UNC13B: variants seen among roughly 807,000 people sequenced by gnomAD.
The protein encoded by UNC13B is protein unc-13 homolog B.
UNC13B carries 144 observed loss-of-function variants against 211.0 expected under a neutral mutation model. That is an observed-to-expected ratio of 0.68 (90% confidence interval 0.60 to 0.78). The LOEUF (loss-of-function observed/expected upper bound fraction) is 0.78. Among genes scored for constraint, UNC13B ranks in the 30% least tolerant of loss-of-function variants. UNC13B has a pLI of 0.00. For missense variants in UNC13B, 1,777 were observed against 2,002.0 expected (o/e 0.89, Z 2.14); for synonymous variants, 709 against 725.8 (o/e 0.98, Z 0.37).
chr9:35,242,825 A>G (rs1471196785), intron 5 of UNC13B, among the ~76,000 whole-genome samples: 1 of 152,220 alleles, frequency 6.6e-6, no homozygotes, highest in African/African-American at 2.4e-5. Context: ...ACTATGTCAC[A>G]TGGTAATTCT....
At chr9:35,215,204 G>A (rs1824188991) in intron 1 of UNC13B, among the ~76,000 whole-genome samples, 1 of 152,140 alleles carries the variant, frequency 6.6e-6, no homozygotes, top group African/African-American at 2.4e-5. Context: ...TCAAGAGTTT[G>A]AGACCAGCCT....
At chr9:35,165,697 G>A (rs1428205458) in intron 1 of UNC13B, among the ~76,000 whole-genome samples, 5 of 152,058 alleles carry the variant, frequency 3.3e-5, no homozygotes, top group Admixed American at 1.3e-4. Flanking sequence ...GATTACAGGC[G>A]TGAGCCACTG....
intron 6 of UNC13B, among the ~76,000 whole-genome samples, chr9:35,257,963 C>G (rs1827031378): frequency 6.6e-6 from 1 of 152,134 alleles, no homozygotes; most frequent in Admixed American, 6.6e-5. Context: ...TCATAATTCT[C>G]TCATGCTTAA....
chr9:35,288,695 G>A (rs12352096), intron 7 of UNC13B, among the ~76,000 whole-genome samples: 3,931 of 152,240 alleles, frequency 0.026, 174 homozygotes, highest in African/African-American at 0.088. Flanking sequence ...TTTTTCATGC[G>A]TTAGAGATGG....
chr9:35,303,068 TTGG>T lies in UNC13B; in HGVS notation c.3665_3667del (p.Leu1222_Asp1223delinsTyr). 1 of 398,776 alleles carries T rather than the reference TTGG, an allele frequency of 2.5e-6. No homozygotes were observed. 24.7% of individuals were successfully genotyped at this position (398,776 alleles called of 1,614,324 possible). On this transcript the variant is annotated inframe_deletion, in exon 9 of 40. Coordinates refer to ENST00000635942, the MANE Select transcript of UNC13B (RefSeq NM_001371189.2). ...TTTGAATGGAGATAACCATTTATCC[TTGG>T]ATGAGGTCCCTGCTACTTCATGTGT...
rs147306554 is a variant in UNC13B at position 35,237,558 on chromosome 9, G to A, written c.271-145G>A. The stretch of plus-strand genomic sequence containing the variant: ...CAGAAGCCACATGCAGTGGAGGCAG[G>A]TGGTGATAGTGGTGTGTTTGCCTTA... On this transcript the variant is annotated intron_variant, in intron 4 of 39. Transcript: ENST00000635942. 371 of 934,232 alleles carry A rather than the reference G, an allele frequency of 4.0e-4. No homozygotes were observed. The African/African-American group carries it at 5.7e-3, about 14-fold the overall frequency. 57.9% of individuals were successfully genotyped at this position (934,232 alleles called of 1,614,324 possible).
At chr9:35,286,709 A>G (rs540383482) in intron 7 of UNC13B, among the ~76,000 whole-genome samples, 5 of 152,218 alleles carry the variant, frequency 3.3e-5, no homozygotes, top group Admixed American at 6.5e-5. Context: ...TAATACCACT[A>G]ATACTACTTA....
intron 1 of UNC13B, among the ~76,000 whole-genome samples, chr9:35,191,687 C>T (rs146758612): frequency 4.2e-4 from 64 of 152,310 alleles, no homozygotes; most frequent in African/African-American, 1.4e-3. Flanking sequence ...GGCCCTTCCC[C>T]GGGAACTAAC....
chr9:35,354,759 G>T (rs978729262), intron 11 of UNC13B, among the ~76,000 whole-genome samples: 3 of 152,206 alleles, frequency 2.0e-5, no homozygotes, highest in African/African-American at 4.8e-5. Flanking sequence ...GTTGGCAAAG[G>T]TGTGAGGGAA....
intron 7 of UNC13B, among the ~76,000 whole-genome samples, chr9:35,287,710 G>C (rs1404540597): frequency 6.6e-6 from 1 of 151,782 alleles, no homozygotes; most frequent in African/African-American, 2.4e-5. Flanking sequence ...CTTTTACATT[G>C]TGCCATGCAT....
rs768995698 is a variant in UNC13B, at chr9:35,306,188, G to C, written c.6784G>C (p.Glu2262Gln). ...FVESGSTMTR[E>Q]SSSGHRDSIA... is the part of the protein sequence containing the mutation. ...AGAGAGTGGTAGCACAATGACCAGA[G>C]AAAGTTCCAGTGGTCATAGAGATAG... The change falls in exon 9 of 40, where the codon GAA (glutamate) becomes CAA (glutamine). Residue 2262 changes from glutamate to glutamine, a missense_variant. Physicochemically the swap from Glu to Gln is conservative, Grantham distance 29. Transcript: ENST00000635942. 2 of 399,050 alleles carry C rather than the reference G, an allele frequency of 5.0e-6. No individual in the cohort carries two copies. The highest frequency in any genetic ancestry group is 8.8e-5 in the Admixed American group (2 of 22,732). The allele number at this position is 399,050 out of a possible 1,614,324, so 24.7% of individuals were successfully genotyped here. A position where few individuals can be genotyped will look rare whatever the true frequency, so the allele number is the denominator to read the frequency against.
intron 1 of UNC13B, among the ~76,000 whole-genome samples, chr9:35,221,933 GC>G (rs1405275723): frequency 6.6e-6 from 1 of 152,138 alleles, no homozygotes; most frequent in African/African-American, 2.4e-5. Flanking sequence ...CAATTGAATT[GC>G]CTTGGCAATT....
rs1836518393 is a variant in UNC13B, at chr9:35,403,967, T to C, written c.12957T>C (p.Asn4319=). 2 of 1,613,950 alleles carry C rather than the reference T, an allele frequency of 1.2e-6. No homozygotes were observed. Among genetic ancestry groups the C allele is most frequent in the Non-Finnish European group, 1.7e-6 (2 of 1,179,978 alleles). ...TILRILSQRS[N]DEVAREFVKL... is the part of the protein sequence containing the mutation. ...TCCGGATTTTATCTCAGAGGAGCAA[T>C]GACGAGGTGGCCCGAGAATTTGTGA... is the stretch of plus-strand genomic sequence containing the variant. Residue 4319 remains asparagine (N), a synonymous_variant, in exon 40 of 40, where the codon AAT becomes AAC. Coordinates refer to ENST00000635942, the MANE Select transcript of UNC13B (RefSeq NM_001371189.2).
chr9:35,208,257 C>T (rs1037477221), intron 1 of UNC13B, among the ~76,000 whole-genome samples: 3 of 152,136 alleles, frequency 2.0e-5, no homozygotes, highest in African/African-American at 7.2e-5. Flanking sequence ...GATTTGCTTT[C>T]CCTTTTAATA....
At position 35,381,684 on chromosome 9, in the gene UNC13B, G is replaced by A. The variant is rs1046771052; in HGVS notation, c.10620G>A (p.Met3540Ile). 1.9e-6 allele frequency: 3 copies of A among 1,614,196 alleles called. No individual in the cohort carries two copies. Among genetic ancestry groups the A allele is most frequent in the South Asian group, 2.2e-5 (2 of 91,082 alleles). ...TAQEIVDEFA[M>I]RYGIESIYQA... ...AAGAAATTGTGGATGAATTTGCCAT[G>A]CGTTATGGCATTGAGTCCATATATC... The change falls in exon 20 of 40, where the codon ATG becomes ATA. Residue 3540 changes from methionine (M) to isoleucine (I), a missense_variant. Met to Ile is a conservative substitution (Grantham distance 10). Coordinates refer to ENST00000635942, the MANE Select transcript of UNC13B (RefSeq NM_001371189.2).
At chr9:35,287,260 G>A (rs1467581739) in intron 7 of UNC13B, among the ~76,000 whole-genome samples, 1 of 151,954 alleles carries the variant, frequency 6.6e-6, no homozygotes, top group Non-Finnish European at 1.5e-5. Flanking sequence ...AGTCTCCCGA[G>A]TAGCTGGGAT....
rs763112089 is a variant in UNC13B, at chr9:35,381,573, C to A, written c.10509C>A (p.Leu3503=). The change falls in exon 20 of 40, where the codon CTC becomes CTA. Residue 3503 remains leucine (L), a synonymous_variant. Transcript: ENST00000635942. ...TCLHENLFHY[L]TDIQGSGGVR... ...TCCTGCAGAATCTTTTCCATTACCT[C>A]ACAGACATTCAGGGCAGTGGAGGAG... 5.6e-6 allele frequency: 9 copies of A among 1,613,804 alleles called. No homozygotes were observed. The highest frequency in any genetic ancestry group is 7.6e-6 in the Non-Finnish European group (9 of 1,179,846).
intron 4 of UNC13B, among the ~76,000 whole-genome samples, chr9:35,237,140 C>T (rs1183174047): frequency 6.6e-6 from 1 of 152,148 alleles, no homozygotes; most frequent in African/African-American, 2.4e-5. Context: ...CTAGACTAGA[C>T]CATAACTCAG....
intron 6 of UNC13B, among the ~76,000 whole-genome samples, chr9:35,249,761 G>T (rs1465786354): frequency 6.6e-6 from 1 of 152,096 alleles, no homozygotes; most frequent in Non-Finnish European, 1.5e-5. Context: ...TGGGTAACCC[G>T]ACCTTTCTCT....
Sources: gnomAD v4.1 joint callset for allele counts (sites outside exome capture counted in the v4.1 genomes callset) on GRCh38, gnomAD v4.1.1 for gene constraint, MANE v1.5 for transcripts, NCBI Gene and HGNC (gene_info 2026-07-23, HGNC 2026-07-21) for gene names.